Variants in BMPR1B observed in about 807,000 individuals in gnomAD.
BMPR1B encodes the protein bone morphogenetic protein receptor type 1B.
In BMPR1B, 12 loss-of-function variants were observed where a neutral mutation model predicts 59.1. The ratio of observed to expected loss-of-function variants is 0.20; its 90% CI spans 0.13 to 0.33. BMPR1B has a LOEUF of 0.33. Among genes scored for constraint, BMPR1B ranks in the 10% least tolerant of loss-of-function variants. BMPR1B has a pLI of 1.00. For synonymous variants in BMPR1B, 237 were observed against 207.3 expected, an observed-to-expected ratio of 1.14 and a Z score of -1.23; for missense variants, 550 against 610.9, an observed-to-expected ratio of 0.90 and a Z score of 1.05.
rs138080433 is a variant in BMPR1B at position 95,007,261 on chromosome 4, A to C, written c.-18+11127A>C. Among the ~76,000 whole-genome samples, 458 of 152,234 alleles carry C rather than the reference A, an allele frequency of 3.0e-3. 3 individuals carry two copies. Among genetic ancestry groups the C allele is most frequent in the African/African-American group, 0.011 (449 of 41,558 alleles). ...CAGTTAACCTCTAATAGACTTTTTCATTAGTAATATCACACTATGATGGCA... is the reference window on the plus strand; with the variant it reads ...CAGTTAACCTCTAATAGACTTTTTCCTTAGTAATATCACACTATGATGGCA... On this transcript the variant is annotated intron_variant, in intron 3 of 12. Transcript: ENST00000515059.
intron 3 of BMPR1B, 100 bp from the exon 4 acceptor site, chr4:95,104,308 G>C (rs987692395): frequency 2.2e-6 from 3 of 1,343,036 alleles, no homozygotes; most frequent in Non-Finnish European, 3.1e-6. Flanking sequence ...TAAGTATCTT[G>C]AATACTTCAT....
chr4:94,902,253 G>C (rs201383010), intron 2 of BMPR1B, among the ~76,000 whole-genome samples: 2,575 of 61,194 alleles, frequency 0.042, 18 homozygotes, highest in African/African-American at 0.099. Context: ...CACACACAGA[G>C]AGAGAGAGAG....
chr4:94,908,093 A>AAAAAAAAGAAAAAG (rs1553917473), intron 2 of BMPR1B, among the ~76,000 whole-genome samples: 26 of 118,712 alleles, frequency 2.2e-4, no homozygotes, highest in Non-Finnish European at 3.6e-4. Context: ...AAAAAAAAGA[A>AAAAAAAAGAAAAAG]AAAACAAAAA....
chr4:95,092,999 T>G (rs1166793513), intron 3 of BMPR1B, among the ~76,000 whole-genome samples: 1 of 152,170 alleles, frequency 6.6e-6, no homozygotes, highest in Non-Finnish European at 1.5e-5. Context: ...TAGTTGACTC[T>G]GACATTATTG....
chr4:94,911,250 A>G (rs1339079070), intron 2 of BMPR1B, among the ~76,000 whole-genome samples: 24 of 152,152 alleles, frequency 1.6e-4, no homozygotes, highest in Admixed American at 1.6e-3. Context: ...GAGGGAATTG[A>G]TGTATAAACC....
intron 6 of BMPR1B, among the ~76,000 whole-genome samples, chr4:95,122,324 A>G (rs1466183056): frequency 1.3e-5 from 2 of 150,402 alleles, no homozygotes; most frequent in East Asian, 3.9e-4. Flanking sequence ...CCACAGAGGA[A>G]GATCCTGTAT....
At chr4:94,981,943 T>TAA (rs969354799) in intron 2 of BMPR1B, among the ~76,000 whole-genome samples, 57 of 152,322 alleles carry the variant, frequency 3.7e-4, no homozygotes, top group African/African-American at 1.2e-3. Context: ...CAGATAGGCT[T>TAA]AAGAACACAG....
intron 2 of BMPR1B, among the ~76,000 whole-genome samples, chr4:94,970,312 CTCTCTT>C (rs139843437): frequency 1.0e-5 from 1 of 96,390 alleles, no homozygotes; most frequent in African/African-American, 4.0e-5. Context: ...TTCTTTCTCT[CTCTCTT>C]TCTCTCTTTT....
chr4:94,991,928 C>CTTCA (rs1721786613), intron 2 of BMPR1B, among the ~76,000 whole-genome samples: 1 of 152,132 alleles, frequency 6.6e-6, no homozygotes, highest in African/African-American at 2.4e-5. Context: ...TTGATGCAGT[C>CTTCA]TTCATCTCTC....
At chr4:95,135,619 A>T (rs937054781) in intron 10 of BMPR1B, among the ~76,000 whole-genome samples, 3 of 152,072 alleles carry the variant, frequency 2.0e-5, no homozygotes, top group Non-Finnish European at 4.4e-5. Flanking sequence ...ATTCTCTTTG[A>T]AGCAATTGTG....
chr4:94,784,852 T>G (rs1390170314), intron 1 of BMPR1B, among the ~76,000 whole-genome samples: 3 of 152,198 alleles, frequency 2.0e-5, no homozygotes, highest in African/African-American at 7.2e-5. Flanking sequence ...TTTGATACCA[T>G]ACAGGTCATC....
chr4:94,833,442 C>T (rs1387267940), intron 1 of BMPR1B, among the ~76,000 whole-genome samples: 1 of 152,144 alleles, frequency 6.6e-6, no homozygotes, highest in Non-Finnish European at 1.5e-5. Flanking sequence ...GTTTTCCACA[C>T]TTTTTTCTTT....
rs1276572895 is a variant in BMPR1B at position 94,912,637 on chromosome 4, CAGCTCTAT to C, written c.-113+36740_-113+36747del. ...AATGTGGTCTTTCCGAACAACAGTT[CAGCTCTAT>C]AGAAGGTGACCACAACACAGCCAGC... On this transcript the variant is annotated intron_variant, in intron 2 of 12. Coordinates refer to ENST00000515059, the MANE Select transcript of BMPR1B (RefSeq NM_001203.3). Among the ~76,000 whole-genome samples, 3 of 152,232 alleles carry C rather than the reference CAGCTCTAT, an allele frequency of 2.0e-5. No homozygotes were observed. In the East Asian group the frequency reaches 5.8e-4, roughly 30 times the overall value.
At chr4:94,812,809 A>G (rs1446221367) in intron 1 of BMPR1B, among the ~76,000 whole-genome samples, 1 of 152,166 alleles carries the variant, frequency 6.6e-6, no homozygotes, top group Non-Finnish European at 1.5e-5. Context: ...TAGAAATTGA[A>G]AGGATAACAG....
chr4:94,776,286 G>C (rs1560479093), intron 1 of BMPR1B, among the ~76,000 whole-genome samples: 1 of 152,042 alleles, frequency 6.6e-6, no homozygotes, highest in Non-Finnish European at 1.5e-5. Flanking sequence ...AAATATTTGG[G>C]AGTATTTGAT....
chr4:94,995,455 CA>C (rs1416315017), intron 2 of BMPR1B, among the ~76,000 whole-genome samples: 1 of 152,068 alleles, frequency 6.6e-6, no homozygotes, highest in East Asian at 1.9e-4. Context: ...AAAAAAATTA[CA>C]AAACTGCTTT....
chr4:94,955,618 C>T (rs938200644), intron 2 of BMPR1B, among the ~76,000 whole-genome samples: 8 of 147,640 alleles, frequency 5.4e-5, no homozygotes, highest in African/African-American at 7.7e-5. Context: ...ATGCTTTACA[C>T]GTATTAGCAC....
intron 8 of BMPR1B, among the ~76,000 whole-genome samples, chr4:95,129,645 C>G (rs1733163768): frequency 6.6e-6 from 1 of 152,056 alleles, no homozygotes; most frequent in Admixed American, 6.6e-5. Context: ...AATTTGGAAG[C>G]AGTGTTTTGA....
At chr4:94,874,808 A>G (rs1726651911) in intron 1 of BMPR1B, among the ~76,000 whole-genome samples, 2 of 152,068 alleles carry the variant, frequency 1.3e-5, no homozygotes, top group Non-Finnish European at 2.9e-5. Context: ...CCTGACCAAT[A>G]TGGTGAAACG....
Sources: allele counts gnomAD v4.1 joint callset (sites outside exome capture counted in the v4.1 genomes callset), GRCh38; gene constraint gnomAD v4.1.1; transcripts MANE v1.5; gene names NCBI Gene and HGNC (gene_info 2026-07-23, HGNC 2026-07-21).